Variants in FAF1 observed in about 807,000 individuals in gnomAD.
FAF1 encodes the protein Fas associated factor 1.
In FAF1, 25 loss-of-function variants were observed where a neutral mutation model predicts 92.5. That is an observed-to-expected ratio of 0.27 (90% CI 0.20 to 0.38). FAF1 has a LOEUF of 0.38. FAF1 is among the 10% of genes least tolerant of loss of function. The pLI is 1.00. For synonymous variants in FAF1, 234 were observed against 273.2 expected (o/e 0.86, Z 1.42); for missense variants, 636 against 793.3 (o/e 0.80, Z 2.38).
intron 8 of FAF1, among the ~76,000 whole-genome samples, chr1:50,606,674 G>A (rs894210338): frequency 3.3e-5 from 5 of 151,674 alleles, no homozygotes; most frequent in African/African-American, 1.2e-4. Context: ...TAATTTTTTT[G>A]TATTTTAGTA....
chr1:50,754,036 G>T (rs1250893477), intron 4 of FAF1, among the ~76,000 whole-genome samples: 1 of 152,074 alleles, frequency 6.6e-6, no homozygotes, highest in African/African-American at 2.4e-5. Flanking sequence ...GATTACAGAC[G>T]TGAACCACTG....
At chr1:50,655,635 C>G in intron 7 of FAF1, 107 bp from the exon 8 acceptor site, 1 of 666,816 alleles carries the variant, frequency 1.5e-6, no homozygotes, top group Non-Finnish European at 2.4e-6. Context: ...CTTCTAGATT[C>G]AAAACAAGAA....
At chr1:50,931,723 A>C (rs1001991989) in intron 1 of FAF1, among the ~76,000 whole-genome samples, 1 of 151,862 alleles carries the variant, frequency 6.6e-6, no homozygotes, top group African/African-American at 2.4e-5. Context: ...ACAACAACAA[A>C]AAAATTAGCC....
intron 12 of FAF1, among the ~76,000 whole-genome samples, chr1:50,568,560 G>GAGAC (rs1042740589): frequency 2.0e-5 from 3 of 152,084 alleles, no homozygotes; most frequent in African/African-American, 7.2e-5. Flanking sequence ...CTATGAATAG[G>GAGAC]AGACACTGTT....
intron 6 of FAF1, among the ~76,000 whole-genome samples, chr1:50,713,259 A>G (rs114907757): frequency 0.013 from 1,951 of 152,072 alleles, 37 homozygotes; most frequent in African/African-American, 0.043. Flanking sequence ...GTTAAAAAAA[A>G]AAAAGGCATG....
intron 8 of FAF1, among the ~76,000 whole-genome samples, chr1:50,612,782 T>A (rs1652738370): frequency 1.3e-5 from 2 of 152,236 alleles, no homozygotes; most frequent in African/African-American, 4.8e-5. Context: ...ATGGGTACTA[T>A]CTAGAAACAA....
Position 50,505,380 on chromosome 1 carries a change from C to A in FAF1, c.1495-13579G>T, listed in dbSNP as rs530404078. ...AAACACCTATTCCTCTCCAAAATGGCAGCCTTGTTATGTGGTATATCCAGC... is the reference window on the plus strand; with the variant it reads ...AAACACCTATTCCTCTCCAAAATGGAAGCCTTGTTATGTGGTATATCCAGC... On this transcript the variant is annotated intron_variant, in intron 15 of 18. Coordinates refer to ENST00000396153, the MANE Select transcript of FAF1 (RefSeq NM_007051.3). 1.3e-4 allele frequency among the ~76,000 whole-genome samples: 20 copies of A among 152,214 alleles called. No homozygotes were observed. The South Asian group carries it at 4.2e-3, about 32-fold the overall frequency.
At chr1:50,675,089 C>T (rs1029844038) in intron 7 of FAF1, among the ~76,000 whole-genome samples, 1 of 152,132 alleles carries the variant, frequency 6.6e-6, no homozygotes, top group Non-Finnish European at 1.5e-5. Flanking sequence ...CAGGGTTTCG[C>T]CATGTTGGCC....
chr1:50,788,199 A>G lies in FAF1; in HGVS notation c.168T>C (p.Tyr56=), dbSNP rs1302772060. 3 of 1,613,022 alleles carry G rather than the reference A, an allele frequency of 1.9e-6. No homozygotes were observed. The highest frequency in any genetic ancestry group is 2.5e-6 in the Non-Finnish European group (3 of 1,179,030). The part of the protein sequence containing the change: ...PQENGILQSE[Y]GGETIPGPAF... Reference sequence around the variant, plus strand: ...CAGGTCCTGGTATGGTCTCACCTCCATATTCACTAAAATGTTGACATAAAA... The same window carrying G: ...CAGGTCCTGGTATGGTCTCACCTCCGTATTCACTAAAATGTTGACATAAAA... The change falls in exon 4 of 19, where the codon TAT becomes TAC. Residue 56 remains tyrosine (Y), a synonymous_variant. Coordinates refer to ENST00000396153, the MANE Select transcript of FAF1 (RefSeq NM_007051.3).
intron 1 of FAF1, among the ~76,000 whole-genome samples, chr1:50,906,539 T>A (rs1644840315): frequency 6.6e-6 from 1 of 152,242 alleles, no homozygotes; most frequent in Non-Finnish European, 1.5e-5. Context: ...TTTGTTTGTA[T>A]CCTCTTTTAG....
At chr1:50,843,075 C>CAGGTGATGGAAAT (rs1553145759) in intron 2 of FAF1, among the ~76,000 whole-genome samples, 1 of 152,162 alleles carries the variant, frequency 6.6e-6, no homozygotes, top group Non-Finnish European at 1.5e-5. Flanking sequence ...TAAAATATCA[C>CAGGTGATGGAAAT]AGCAGGTGAT....
rs567554997 is a variant in FAF1, at chr1:50,959,645, C to T, written c.45+122G>A. 3 of 702,122 alleles carry T rather than the reference C, an allele frequency of 4.3e-6. No homozygotes were observed. In the African/African-American group the frequency reaches 5.6e-5, roughly 13 times the overall value. The allele number at this position is 702,122 out of a possible 1,614,324, so 43.5% of individuals were successfully genotyped here. On this transcript the variant is annotated intron_variant, in intron 1 of 18. Transcript: ENST00000396153. Reference sequence around the variant, plus strand: ...GCCACACACACACACACACGCCACGCACCGTATAAAAGCCTAAATGACACA... The same window carrying T: ...GCCACACACACACACACACGCCACGTACCGTATAAAAGCCTAAATGACACA...
intron 12 of FAF1, among the ~76,000 whole-genome samples, chr1:50,576,331 G>A (rs1181690176): frequency 6.6e-6 from 1 of 152,172 alleles, no homozygotes; most frequent in East Asian, 1.9e-4. Context: ...ATTGAGTACT[G>A]AGTCCCTTAA....
At position 50,645,550 on chromosome 1, in the gene FAF1, G is replaced by T. The variant is rs549123843; in HGVS notation, c.744+9892C>A. 3.3e-5 allele frequency among the ~76,000 whole-genome samples: 5 copies of T among 152,282 alleles called. No homozygotes were observed. The South Asian group carries it at 1.0e-3, about 32-fold the overall frequency. On this transcript the variant is annotated intron_variant, in intron 8 of 18. Transcript: ENST00000396153. Reference sequence around the variant, plus strand: ...CATTAAGAAATCAATGTGGCCAGGCGCTATGGCTCATGCCTATAATCCCAG... The same window carrying T: ...CATTAAGAAATCAATGTGGCCAGGCTCTATGGCTCATGCCTATAATCCCAG...
At chr1:50,754,489 T>C (rs928341988) in intron 4 of FAF1, among the ~76,000 whole-genome samples, 5 of 152,206 alleles carry the variant, frequency 3.3e-5, no homozygotes, top group African/African-American at 9.6e-5. Flanking sequence ...TGGTTTTTAG[T>C]TGTAATAGGA....
intron 13 of FAF1, 77 bp downstream of exon 13, chr1:50,567,000 T>C: frequency 2.6e-6 from 3 of 1,144,506 alleles, no homozygotes; most frequent in Non-Finnish European, 3.6e-6. Context: ...GGATGAAAAA[T>C]GTTTATGATG....
chr1:50,662,120 T>A (rs952670932), intron 7 of FAF1, among the ~76,000 whole-genome samples: 1 of 152,306 alleles, frequency 6.6e-6, no homozygotes, highest in East Asian at 1.9e-4. Context: ...AACTATTACT[T>A]CTTCTCATTA....
intron 2 of FAF1, among the ~76,000 whole-genome samples, chr1:50,832,478 G>A (rs1028054584): frequency 6.6e-6 from 1 of 152,198 alleles, no homozygotes; most frequent in Non-Finnish European, 1.5e-5. Flanking sequence ...AGCACCCTCA[G>A]AGTACAGTAA....
At chr1:50,903,112 A>C (rs1168711153) in intron 1 of FAF1, among the ~76,000 whole-genome samples, 1 of 152,012 alleles carries the variant, frequency 6.6e-6, no homozygotes, top group African/African-American at 2.4e-5. Context: ...GAACTGTCTT[A>C]AGTCATCTTT....
Sources: allele counts gnomAD v4.1 joint callset (sites outside exome capture counted in the v4.1 genomes callset), GRCh38; gene constraint gnomAD v4.1.1; transcripts MANE v1.5; gene names NCBI Gene and HGNC (gene_info 2026-07-23, HGNC 2026-07-21).